The following STK24 variants were observed in gnomAD, a reference collection of about 807,000 sequenced individuals.
STK24 encodes serine/threonine-protein kinase 24.
In STK24, 21 loss-of-function variants were observed where a neutral mutation model predicts 55.6. The observed-to-expected ratio is 0.38, with a 90% CI of 0.27 to 0.54. STK24 has a LOEUF of 0.54. Among genes scored for constraint, STK24 ranks in the 20% least tolerant of loss-of-function variants. The pLI, the probability that STK24 is intolerant of heterozygous loss-of-function variation, is 0.79. For synonymous variants in STK24, 200 were observed against 215.2 expected (o/e 0.93, Z 0.62); for missense variants, 383 against 538.4 (o/e 0.71, Z 2.86).
chr13:98,539,019 G>T (rs61182504), intron 1 of STK24, among the ~76,000 whole-genome samples: 1,726 of 152,330 alleles, frequency 0.011, 28 homozygotes, highest in African/African-American at 0.038. Flanking sequence ...CGACAGCCAA[G>T]ACTCACACAC....
intron 1 of STK24, among the ~76,000 whole-genome samples, chr13:98,557,587 GC>G (rs1366739757): frequency 6.6e-6 from 1 of 152,218 alleles, no homozygotes; most frequent in Non-Finnish European, 1.5e-5. Flanking sequence ...TGGGGGACCA[GC>G]CTCCTTCCTT....
chr13:98,521,887 C>T, intron 1 of STK24: 1 of 879,294 alleles, frequency 1.1e-6, no homozygotes, highest in South Asian at 1.3e-5. Flanking sequence ...TCGTCAGTAA[C>T]CCCCTTCTCG....
At chr13:98,533,692 G>C (rs995542756) in intron 1 of STK24, among the ~76,000 whole-genome samples, 2 of 151,998 alleles carry the variant, frequency 1.3e-5, no homozygotes, top group South Asian at 2.1e-4. Flanking sequence ...TTTTTGAAAA[G>C]TATTAAAAAT....
rs1893266506 is a variant in STK24 at position 98,452,954 on chromosome 13, C to T, written c.*219G>A. ...AAGTAATAAAATAAAATAAAATGATCGCTGGAAGGAGCTGACCCTCCCCAC... is the reference window on the plus strand; with the variant it reads ...AAGTAATAAAATAAAATAAAATGATTGCTGGAAGGAGCTGACCCTCCCCAC... On this transcript the variant is annotated 3_prime_UTR_variant, in exon 11 of 11. Coordinates refer to ENST00000539966, the MANE Select transcript of STK24 (RefSeq NM_001032296.4). 2.9e-5 allele frequency: 13 copies of T among 449,168 alleles called. No individual in the cohort carries two copies. The highest frequency in any genetic ancestry group is 1.3e-4 in the East Asian group (4 of 29,662). The allele number at this position is 449,168 out of a possible 1,614,324, so 27.8% of individuals were successfully genotyped here.
chr13:98,462,308 G>A (rs575897037), intron 7 of STK24, among the ~76,000 whole-genome samples: 170 of 152,232 alleles, frequency 1.1e-3, no homozygotes, highest in African/African-American at 4.0e-3. Context: ...GCCTCACCTT[G>A]GCCATCTCTC....
Position 98,460,317 on chromosome 13 carries a change from C to T in STK24, c.1122+55G>A. 4 of 1,500,116 alleles carry T rather than the reference C, an allele frequency of 2.7e-6. No homozygotes were observed. The South Asian group carries it at 3.5e-5, about 13-fold the overall frequency. 92.9% of individuals were successfully genotyped at this position (1,500,116 alleles called of 1,614,324 possible). On this transcript the variant is annotated intron_variant, in intron 9 of 10. Coordinates refer to ENST00000539966, the MANE Select transcript of STK24 (RefSeq NM_001032296.4). ...TGGCAACATCACCACTGAAGTGTGT[C>T]CAGCTTCTCCTTCCCCCTCCCCTCC...
chr13:98,560,476 A>G (rs991345401), intron 1 of STK24, among the ~76,000 whole-genome samples: 1 of 152,214 alleles, frequency 6.6e-6, no homozygotes, highest in Non-Finnish European at 1.5e-5. Flanking sequence ...TTCTCATCTG[A>G]GACTTTTAAC....
At chr13:98,497,216 A>AGCTGCTCCCTGACC (rs1351645300) in intron 2 of STK24, among the ~76,000 whole-genome samples, 2 of 151,968 alleles carry the variant, frequency 1.3e-5, no homozygotes, top group African/African-American at 4.8e-5. Flanking sequence ...CCTCCCTGTG[A>AGCTGCTCCCTGACC]GCTGCTCCCT....
chr13:98,574,303 C>CAGA (rs1897819388), intron 1 of STK24, among the ~76,000 whole-genome samples: 1 of 152,230 alleles, frequency 6.6e-6, no homozygotes, highest in Admixed American at 6.5e-5. Flanking sequence ...TGCTGTCTTT[C>CAGA]TAAGCCAACT....
intron 5 of STK24, among the ~76,000 whole-genome samples, chr13:98,474,007 G>A (rs973142678): frequency 6.6e-6 from 1 of 152,188 alleles, no homozygotes; most frequent in African/African-American, 2.4e-5. Context: ...CAGAAACTTG[G>A]AGCCCAGGAA....
At chr13:98,512,107 C>A (rs1319250971) in intron 2 of STK24, among the ~76,000 whole-genome samples, 1 of 151,988 alleles carries the variant, frequency 6.6e-6, no homozygotes, top group African/African-American at 2.4e-5. Flanking sequence ...AGGCTGGTTT[C>A]GAACTTCTGA....
At chr13:98,547,037 G>A (rs553460198) in intron 1 of STK24, among the ~76,000 whole-genome samples, 2 of 152,014 alleles carry the variant, frequency 1.3e-5, no homozygotes, top group South Asian at 2.1e-4. Context: ...TCAGCCTCCC[G>A]AGTAGCTGGG....
At chr13:98,484,830 G>A (rs890158135) in intron 2 of STK24, among the ~76,000 whole-genome samples, 2 of 152,148 alleles carry the variant, frequency 1.3e-5, no homozygotes, top group African/African-American at 2.4e-5. Context: ...GACCAAGGCC[G>A]CCTCCTTCCT....
At position 98,448,320 on chromosome 13, in the gene STK24, G is replaced by A; in HGVS notation, c.*4853C>T. On this transcript the variant is annotated 3_prime_UTR_variant, in exon 11 of 11. Transcript: ENST00000539966. ...ACAAAGAGTCTCTTGTGTATTGATG[G>A]CCGGACACACTCGTTTCCGCAGTGG... 2.5e-6 allele frequency: 4 copies of A among 1,609,592 alleles called. No individual in the cohort carries two copies. Among genetic ancestry groups the A allele is most frequent in the Non-Finnish European group, 3.4e-6 (4 of 1,175,826 alleles).
chr13:98,521,340 G>A lies in STK24; in HGVS notation c.43-1867C>T, dbSNP rs1177050624. Among the ~76,000 whole-genome samples the A allele has an allele frequency of 4.6e-5, 7 of 152,016 alleles. No individual in the cohort carries two copies. In the East Asian group the frequency reaches 5.8e-4, roughly 13 times the overall value. ...CACTACATTTCAAATGTCTTATGACGGTCATACTTAGGAGGAAGCCTGGCT... is the reference window on the plus strand; with the variant it reads ...CACTACATTTCAAATGTCTTATGACAGTCATACTTAGGAGGAAGCCTGGCT... On this transcript the variant is annotated intron_variant, in intron 1 of 10. Coordinates refer to ENST00000539966, the MANE Select transcript of STK24 (RefSeq NM_001032296.4).
chr13:98,528,226 A>G (rs149536102), intron 1 of STK24, among the ~76,000 whole-genome samples: 1 of 152,182 alleles, frequency 6.6e-6, no homozygotes, highest in Non-Finnish European at 1.5e-5. Flanking sequence ...TGCCTGGCCA[A>G]TGTCATGACC....
Position 98,448,437 on chromosome 13 carries a change from C to T in STK24, c.*4736G>A. On this transcript the variant is annotated 3_prime_UTR_variant, in exon 11 of 11. Transcript: ENST00000539966. Reference sequence around the variant, plus strand: ...GAAAATCAAAAACATGGCTTCCCAGCAGCTCTCCTGTCTCCACAGCCGCGT... The same window carrying T: ...GAAAATCAAAAACATGGCTTCCCAGTAGCTCTCCTGTCTCCACAGCCGCGT... The T allele has an allele frequency of 7.2e-6, 6 of 828,330 alleles. No homozygotes were observed. Among genetic ancestry groups the T allele is most frequent in the Non-Finnish European group, 8.1e-6 (4 of 494,358 alleles). 51.3% of individuals were successfully genotyped at this position (828,330 alleles called of 1,614,324 possible). A position where few individuals can be genotyped will look rare whatever the true frequency, so the allele number is the denominator to read the frequency against.
intron 2 of STK24, 124 bp downstream of exon 2, chr13:98,519,119 G>A: frequency 1.4e-6 from 1 of 733,462 alleles, no homozygotes. Flanking sequence ...TGATCACGAA[G>A]GTCAAAACAT....
intron 1 of STK24, among the ~76,000 whole-genome samples, chr13:98,556,613 G>C (rs1404671186): frequency 6.6e-6 from 1 of 152,146 alleles, no homozygotes; most frequent in Non-Finnish European, 1.5e-5. Context: ...CAGCCACCCT[G>C]GGCCACATCA....
Sources: allele counts gnomAD v4.1 joint callset (sites outside exome capture counted in the v4.1 genomes callset), GRCh38; gene constraint gnomAD v4.1.1; transcripts MANE v1.5; gene names NCBI Gene and HGNC (gene_info 2026-07-23, HGNC 2026-07-21).